Variants in PCDH9 observed in about 807,000 individuals in gnomAD.
PCDH9 encodes the protein protocadherin-9.
Under a neutral mutation model 70.6 loss-of-function variants are expected in PCDH9, and 24 were observed. The ratio of observed to expected loss-of-function variants is 0.34; its 90% CI spans 0.25 to 0.48. The LOEUF is 0.48. Ranked by LOEUF, PCDH9 falls within the 20% of genes least tolerant of loss-of-function variation. The pLI, the probability that PCDH9 is intolerant of heterozygous loss-of-function variation, is 0.99. For synonymous variants in PCDH9, 562 were observed against 558.5 expected (o/e 1.01, Z -0.09); for missense variants, 1,281 against 1,503.6 (o/e 0.85, Z 2.45).
In PCDH9 at chr13:66,335,103, A is replaced by G. The variant is rs538408331; in HGVS notation, c.3341-30075T>C. Among the ~76,000 whole-genome samples the G allele has an allele frequency of 5.3e-5, 8 of 152,222 alleles. No homozygotes were observed. The South Asian group carries it at 1.5e-3, about 28-fold the overall frequency. ...CTTGGTGTTTTCATCACATCACAGT[A>G]GCCTAAGTCAAAAGCATACACTACA... On this transcript the variant is annotated intron_variant, in intron 4 of 4. Coordinates refer to ENST00000377865, the MANE Select transcript of PCDH9 (RefSeq NM_203487.3).
chr13:66,708,053 T>A (rs916045304), intron 3 of PCDH9, among the ~76,000 whole-genome samples: 1 of 151,362 alleles, frequency 6.6e-6, no homozygotes, highest in African/African-American at 2.4e-5. Context: ...TTATTTTATT[T>A]TTTTTTTATT....
At chr13:66,984,320 A>T (rs993456445) in intron 2 of PCDH9, among the ~76,000 whole-genome samples, 3 of 152,180 alleles carry the variant, frequency 2.0e-5, no homozygotes, top group African/African-American at 7.2e-5. Context: ...ATATTTATGT[A>T]CTGATGTAAA....
chr13:66,457,783 C>G (rs963400562), intron 4 of PCDH9, among the ~76,000 whole-genome samples: 9 of 152,020 alleles, frequency 5.9e-5, no homozygotes, highest in Non-Finnish European at 8.8e-5. Context: ...TGCAAGCACA[C>G]TAACTTAACT....
At chr13:67,165,555 A>G (rs995157070) in intron 2 of PCDH9, among the ~76,000 whole-genome samples, 6 of 152,148 alleles carry the variant, frequency 3.9e-5, no homozygotes, top group Non-Finnish European at 8.8e-5. Flanking sequence ...CTTACATGGC[A>G]GAACTGAGAT....
chr13:66,569,031 T>C (rs957456894), intron 4 of PCDH9, among the ~76,000 whole-genome samples: 2 of 118,074 alleles, frequency 1.7e-5, no homozygotes, highest in Non-Finnish European at 3.4e-5. Flanking sequence ...AGATGGGGTC[T>C]CACTCTGTCA....
At chr13:67,152,395 T>C (rs1195554031) in intron 2 of PCDH9, among the ~76,000 whole-genome samples, 11 of 152,206 alleles carry the variant, frequency 7.2e-5, no homozygotes, top group Admixed American at 4.6e-4. Flanking sequence ...TTTTACCTTA[T>C]TGATAAAGAA....
At chr13:66,755,213 T>G (rs2079521562) in intron 3 of PCDH9, among the ~76,000 whole-genome samples, 1 of 151,464 alleles carries the variant, frequency 6.6e-6, no homozygotes, top group Non-Finnish European at 1.5e-5. Flanking sequence ...AAATTTAATT[T>G]GATCCTCACA....
intron 4 of PCDH9, among the ~76,000 whole-genome samples, chr13:66,474,262 C>T (rs1958676301): frequency 6.6e-6 from 1 of 152,146 alleles, no homozygotes; most frequent in African/African-American, 2.4e-5. Context: ...AACACAAAGA[C>T]TGTCTCCGAT....
chr13:67,228,291 A>T lies in PCDH9; in HGVS notation c.150T>A (p.Ser50=), dbSNP rs369181819. The part of the protein sequence containing the change: ...IGNIPKDLNI[S]HINAATGTSA... ...TGGTCCCTGTGGCAGCATTGATGTG[A>T]GAAATGTTCAGATCCTTTGGTATGT... The change falls in exon 2 of 5, where the codon TCT becomes TCA. Residue 50 remains serine (S), a synonymous_variant. Coordinates refer to ENST00000377865, the MANE Select transcript of PCDH9 (RefSeq NM_203487.3). 6.8e-6 allele frequency: 11 copies of T among 1,614,016 alleles called. No homozygotes were observed. In the African/African-American group the frequency reaches 1.3e-4, roughly 20 times the overall value.
intron 3 of PCDH9, among the ~76,000 whole-genome samples, chr13:66,817,453 A>G (rs1017863199): frequency 3.3e-5 from 5 of 152,150 alleles, no homozygotes; most frequent in African/African-American, 4.8e-5. Flanking sequence ...CATGTCTTAC[A>G]ATACTCATAG....
At chr13:66,675,141 A>G (rs1482192561) in intron 3 of PCDH9, among the ~76,000 whole-genome samples, 1 of 152,120 alleles carries the variant, frequency 6.6e-6, no homozygotes, top group Admixed American at 6.6e-5. Context: ...TACAGTGAAG[A>G]TTTTAAGATA....
intron 3 of PCDH9, among the ~76,000 whole-genome samples, chr13:66,649,353 T>TAAAGACACAA (rs2077817309): frequency 6.6e-6 from 1 of 151,978 alleles, no homozygotes; most frequent in South Asian, 2.1e-4. Flanking sequence ...CCAATACATC[T>TAAAGACACAA]GGCAAAAGAC....
intron 3 of PCDH9, among the ~76,000 whole-genome samples, chr13:66,691,479 A>G (rs999475958): frequency 1.3e-5 from 2 of 152,198 alleles, no homozygotes; most frequent in Non-Finnish European, 2.9e-5. Flanking sequence ...CAAAATATCT[A>G]CTGTCTTTTG....
chr13:67,121,865 G>A (rs1389195495), intron 2 of PCDH9, among the ~76,000 whole-genome samples: 4 of 152,046 alleles, frequency 2.6e-5, no homozygotes, highest in Non-Finnish European at 5.9e-5. Flanking sequence ...GCTAGCTCTA[G>A]ATTTTTGTTT....
chr13:66,792,321 T>C (rs2080176179), intron 3 of PCDH9, among the ~76,000 whole-genome samples: 1 of 152,160 alleles, frequency 6.6e-6, no homozygotes, highest in African/African-American at 2.4e-5. Context: ...TATGTATACA[T>C]TGTACTCCTA....
chr13:66,850,036 C>T (rs2081288506), intron 3 of PCDH9, among the ~76,000 whole-genome samples: 1 of 152,022 alleles, frequency 6.6e-6, no homozygotes, highest in Admixed American at 6.5e-5. Flanking sequence ...TTTCCACTTA[C>T]CAATTTCCTT....
chr13:67,187,981 C>T lies in PCDH9; in HGVS notation c.3036+37424G>A, dbSNP rs117608747. 1.1e-4 allele frequency among the ~76,000 whole-genome samples: 16 copies of T among 152,140 alleles called. No individual in the cohort carries two copies. The East Asian group carries it at 2.9e-3, about 28-fold the overall frequency. On this transcript the variant is annotated intron_variant, in intron 2 of 4. Transcript: ENST00000377865. Reference sequence around the variant, plus strand: ...TATTGTTAACTATAGTCACCCTGTACTGTAATCATTGTGACTATAGTTGGT... The same window carrying T: ...TATTGTTAACTATAGTCACCCTGTATTGTAATCATTGTGACTATAGTTGGT...
chr13:67,012,739 T>G (rs1419035367), intron 2 of PCDH9, among the ~76,000 whole-genome samples: 2 of 151,920 alleles, frequency 1.3e-5, no homozygotes, highest in South Asian at 4.1e-4. Flanking sequence ...CTAAATCAAA[T>G]AGTTAACGCT....
Position 66,950,484 on chromosome 13 carries a change from T to G in PCDH9, c.3037-46879A>C, listed in dbSNP as rs550393817. 2.5e-3 allele frequency among the ~76,000 whole-genome samples: 375 copies of G among 152,002 alleles called. 3 individuals carry two copies. Among genetic ancestry groups the G allele is most frequent in the African/African-American group, 8.8e-3 (364 of 41,534 alleles). ...CATGGAAAGTTCTTCATAAAAGATA[T>G]ATGTGTATGATTTTTTTTTTTTAGT... On this transcript the variant is annotated intron_variant, in intron 2 of 4. Transcript: ENST00000377865.
Sources: gnomAD v4.1 joint callset for allele counts (sites outside exome capture counted in the v4.1 genomes callset) on GRCh38, gnomAD v4.1.1 for gene constraint, MANE v1.5 for transcripts, NCBI Gene and HGNC (gene_info 2026-07-23, HGNC 2026-07-21) for gene names.